Variants in CCSER1 observed in about 807,000 individuals in gnomAD.
CCSER1 encodes coiled-coil serine rich protein 1.
A neutral mutation model predicts 82.0 loss-of-function variants in CCSER1; 41 were observed. The observed-to-expected ratio is 0.50, with a 90% CI of 0.39 to 0.65. The LOEUF (loss-of-function observed/expected upper bound fraction) is 0.65. CCSER1 is among the 30% of genes least tolerant of loss of function. CCSER1 has a pLI of 0.00. For synonymous variants in CCSER1, 414 were observed against 383.9 expected, an observed-to-expected ratio of 1.08 and a Z score of -0.92; for missense variants, 1,119 against 1,064.2, an observed-to-expected ratio of 1.05 and a Z score of -0.72.
chr4:90,642,861 A>AC (rs1726791308), intron 6 of CCSER1, among the ~76,000 whole-genome samples: 1 of 148,906 alleles, frequency 6.7e-6, no homozygotes, highest in Non-Finnish European at 1.5e-5. Flanking sequence ...TCTCAAAAAT[A>AC]AATACATACA....
intron 8 of CCSER1, among the ~76,000 whole-genome samples, chr4:90,832,267 T>G (rs1761220066): frequency 6.6e-6 from 1 of 152,122 alleles, no homozygotes; most frequent in African/African-American, 2.4e-5. Context: ...GAAGAGAAAA[T>G]TCTTCATTTC....
At chr4:90,956,229 A>C (rs1211798606) in intron 9 of CCSER1, among the ~76,000 whole-genome samples, 1 of 152,196 alleles carries the variant, frequency 6.6e-6, no homozygotes, top group Admixed American at 6.5e-5. Context: ...TAAAATAAAA[A>C]CCTACAGAAG....
At chr4:91,320,740 G>T (rs1286061138) in intron 10 of CCSER1, among the ~76,000 whole-genome samples, 1 of 151,986 alleles carries the variant, frequency 6.6e-6, no homozygotes, top group Non-Finnish European at 1.5e-5. Flanking sequence ...ATTTACAAAT[G>T]AATCACCTGT....
At chr4:91,301,719 T>A (rs776768294) in intron 10 of CCSER1, among the ~76,000 whole-genome samples, 13 of 151,836 alleles carry the variant, frequency 8.6e-5, no homozygotes, top group Non-Finnish European at 1.5e-4. Context: ...CACCAATGGA[T>A]AAGAATCATT....
At chr4:90,757,755 A>G (rs189112215) in intron 7 of CCSER1, among the ~76,000 whole-genome samples, 2 of 152,232 alleles carry the variant, frequency 1.3e-5, no homozygotes, top group Admixed American at 1.3e-4. Context: ...CAGTTTTAAC[A>G]GTAGGGAAGT....
chr4:90,218,049 CCT>C (rs1741432509), intron 1 of CCSER1, among the ~76,000 whole-genome samples: 1 of 152,098 alleles, frequency 6.6e-6, no homozygotes, highest in African/African-American at 2.4e-5. Context: ...GACCCTGCTG[CCT>C]CAGCCTCCCA....
intron 5 of CCSER1, among the ~76,000 whole-genome samples, chr4:90,611,705 A>T (rs1371961519): frequency 6.7e-6 from 1 of 148,830 alleles, no homozygotes; most frequent in Admixed American, 6.7e-5. Context: ...AAATACATAT[A>T]TGGATGAACA....
intron 9 of CCSER1, among the ~76,000 whole-genome samples, chr4:90,933,179 G>A (rs1360071201): frequency 2.1e-5 from 2 of 96,078 alleles, no homozygotes; most frequent in East Asian, 5.1e-4. Flanking sequence ...GTGTGTGTGT[G>A]TGTGATTTTA....
rs550297173 is a variant in CCSER1, at chr4:91,153,647, A to G, written c.2217+67653A>G. Among the ~76,000 whole-genome samples the G allele has an allele frequency of 8.6e-5, 13 of 151,754 alleles. No homozygotes were observed. The South Asian group carries it at 2.5e-3, about 29-fold the overall frequency. Reference sequence around the variant, plus strand: ...TCTCCCCATCTTTGTGGTTTTATCTACCATTGGTCTTTGATGATTGTGACA... The same window carrying G: ...TCTCCCCATCTTTGTGGTTTTATCTGCCATTGGTCTTTGATGATTGTGACA... On this transcript the variant is annotated intron_variant, in intron 10 of 10. Coordinates refer to ENST00000509176, the MANE Select transcript of CCSER1 (RefSeq NM_001145065.2).
At chr4:90,556,132 AG>A (rs1579138602) in intron 5 of CCSER1, among the ~76,000 whole-genome samples, 3 of 152,170 alleles carry the variant, frequency 2.0e-5, no homozygotes, top group Non-Finnish European at 2.9e-5. Context: ...CTGGAAAATC[AG>A]GCTTATCCAT....
intron 8 of CCSER1, among the ~76,000 whole-genome samples, chr4:90,900,271 T>A (rs939232879): frequency 6.6e-6 from 1 of 151,888 alleles, no homozygotes; most frequent in African/African-American, 2.4e-5. Context: ...TTCTTAGCAG[T>A]CTCTGAGAAC....
intron 7 of CCSER1, among the ~76,000 whole-genome samples, chr4:90,757,933 C>CTTTTTT (rs200053849): frequency 1.5e-3 from 205 of 136,382 alleles, no homozygotes; most frequent in Non-Finnish European, 1.8e-3. Context: ...GTTTCCTTTT[C>CTTTTTT]TTTTTTTTTT....
At chr4:90,853,345 A>G (rs1764096290) in intron 8 of CCSER1, among the ~76,000 whole-genome samples, 1 of 152,112 alleles carries the variant, frequency 6.6e-6, no homozygotes, top group Non-Finnish European at 1.5e-5. Context: ...AAATCTTTGG[A>G]AAAAGAGGAA....
intron 7 of CCSER1, among the ~76,000 whole-genome samples, chr4:90,771,565 T>TAAAAA (rs34848155): frequency 2.1e-4 from 21 of 98,070 alleles, no homozygotes; most frequent in Non-Finnish European, 2.6e-4. Context: ...TGCCGGGCAC[T>TAAAAA]AAAAAAAAAA....
chr4:91,299,835 T>A (rs1031154828), intron 10 of CCSER1, among the ~76,000 whole-genome samples: 2 of 151,820 alleles, frequency 1.3e-5, no homozygotes, highest in African/African-American at 4.8e-5. Context: ...TTAAATGCTG[T>A]TACTAAGTTA....
intron 3 of CCSER1, among the ~76,000 whole-genome samples, chr4:90,386,271 G>T (rs1274208133): frequency 6.6e-6 from 1 of 152,126 alleles, no homozygotes; most frequent in East Asian, 1.9e-4. Context: ...GGCTATAGTA[G>T]CCCAAAGAGT....
chr4:90,485,972 T>C (rs1766978334), intron 5 of CCSER1, among the ~76,000 whole-genome samples: 1 of 152,180 alleles, frequency 6.6e-6, no homozygotes, highest in African/African-American at 2.4e-5. Flanking sequence ...CTTCTTCAAC[T>C]CAGAGGACTC....
At chr4:91,482,917 G>T (rs1183216483) in intron 10 of CCSER1, among the ~76,000 whole-genome samples, 2 of 152,038 alleles carry the variant, frequency 1.3e-5, no homozygotes, top group African/African-American at 4.8e-5. Context: ...ACACAGGAAG[G>T]GGAACATCAC....
chr4:90,153,228 G>A (rs948769515), intron 1 of CCSER1, among the ~76,000 whole-genome samples: 13 of 151,740 alleles, frequency 8.6e-5, no homozygotes, highest in Admixed American at 7.9e-4. Context: ...TCATTTTTTT[G>A]TGGCTGCATA....
Sources: gnomAD v4.1 joint callset for allele counts (sites outside exome capture counted in the v4.1 genomes callset) on GRCh38, gnomAD v4.1.1 for gene constraint, MANE v1.5 for transcripts, NCBI Gene and HGNC (gene_info 2026-07-23, HGNC 2026-07-21) for gene names.